ABLIM2: variants seen among roughly 807,000 people sequenced by gnomAD.
The protein encoded by ABLIM2 is actin binding LIM protein family member 2.
In ABLIM2, 53 loss-of-function variants were observed where a neutral mutation model predicts 97.7. The observed-to-expected ratio is 0.54, with a 90% CI of 0.44 to 0.68. The LOEUF (loss-of-function observed/expected upper bound fraction) is 0.68, where lower values mean the gene tolerates loss of function less well. Ranked by LOEUF, ABLIM2 falls within the 30% of genes least tolerant of loss-of-function variation. ABLIM2 has a pLI of 0.00. For synonymous variants in ABLIM2, 361 were observed against 345.8 expected (o/e 1.04, Z -0.49); for missense variants, 835 against 867.2 (o/e 0.96, Z 0.47).
At chr4:7,985,744 G>A (rs1003379002) in intron 17 of ABLIM2, among the ~76,000 whole-genome samples, 2 of 152,156 alleles carry the variant, frequency 1.3e-5, no homozygotes, top group African/African-American at 4.8e-5. Flanking sequence ...ATGGGCCCGA[G>A]AGCTCCTGCA....
chr4:8,141,868 TC>T (rs1450540109), intron 1 of ABLIM2, among the ~76,000 whole-genome samples: 1 of 152,234 alleles, frequency 6.6e-6, no homozygotes, highest in Non-Finnish European at 1.5e-5. Context: ...GGCCAAATGC[TC>T]CGCCTGCACT....
intron 20 of ABLIM2, among the ~76,000 whole-genome samples, chr4:7,973,115 G>A (rs1729598312): frequency 6.7e-6 from 1 of 149,860 alleles, no homozygotes; most frequent in African/African-American, 2.5e-5. Context: ...GTGTGTGTAG[G>A]GTGAGGGATG....
intron 17 of ABLIM2, among the ~76,000 whole-genome samples, chr4:7,989,629 A>G (rs936680281): frequency 6.6e-6 from 1 of 152,138 alleles, no homozygotes; most frequent in African/African-American, 2.4e-5. Flanking sequence ...TTGTGATTTT[A>G]GTATCTTTCT....
In ABLIM2 at chr4:8,054,408, G is replaced by A. The variant is rs1015309961; in HGVS notation, c.764-162C>T. Reference sequence around the variant, plus strand: ...TCCTCTCTGTGCTGGAGTTAGTGCCGGGCAGGGGGTACCCAGATCACAGTC... The same window carrying A: ...TCCTCTCTGTGCTGGAGTTAGTGCCAGGCAGGGGGTACCCAGATCACAGTC... On this transcript the variant is annotated intron_variant, in intron 7 of 20. Transcript: ENST00000447017. This position sits in a 1 kb window ranked among gnomAD's most constrained non-coding sequence, Gnocchi z 4.9. 5.3e-5 allele frequency among the ~76,000 whole-genome samples: 8 copies of A among 152,238 alleles called. No homozygotes were observed. Among genetic ancestry groups the A allele is most frequent in the Non-Finnish European group, 8.8e-5 (6 of 68,054 alleles).
At chr4:7,993,556 G>T (rs1230131658) in intron 16 of ABLIM2, among the ~76,000 whole-genome samples, 1 of 152,066 alleles carries the variant, frequency 6.6e-6, no homozygotes, top group Admixed American at 6.6e-5. Flanking sequence ...GCACGCCTGT[G>T]GTCCCAGCTA....
At chr4:8,059,053 C>T (rs545803826) in intron 7 of ABLIM2, among the ~76,000 whole-genome samples, 1 of 152,238 alleles carries the variant, frequency 6.6e-6, no homozygotes, top group Non-Finnish European at 1.5e-5. Context: ...ATGGTCCTGA[C>T]TCCTGTTGGG....
rs1579677602 is a variant in ABLIM2 at position 8,046,266 on chromosome 4, T to C, written c.823-1025A>G. ...GCCCCCTCCAGCCCTGCGGACACAC[T>C]CCTTCTGTGGTCCCCACACCTCTGG... On this transcript the variant is annotated intron_variant, in intron 8 of 20. Transcript: ENST00000447017. This position sits in a 1 kb window ranked among gnomAD's most constrained non-coding sequence, Gnocchi z 4.4. Among the ~76,000 whole-genome samples the C allele has an allele frequency of 6.6e-6, 1 of 151,344 alleles. No individual in the cohort carries two copies. Among genetic ancestry groups the C allele is most frequent in the East Asian group, 2.0e-4 (1 of 5,090 alleles).
intron 20 of ABLIM2, among the ~76,000 whole-genome samples, chr4:7,973,459 C>T (rs1729926620): frequency 1.3e-5 from 2 of 151,018 alleles, no homozygotes; most frequent in Non-Finnish European, 2.9e-5. Flanking sequence ...TGAGATTGTG[C>T]CACTGCACTC....
rs982217601 is a variant in ABLIM2, at chr4:8,004,863, T to A, written c.1618+3196A>T. On this transcript the variant is annotated intron_variant, in intron 16 of 20. Transcript: ENST00000447017. This position sits in a 1 kb window ranked among gnomAD's most constrained non-coding sequence, Gnocchi z 5.9. ...AAAGCAGTCAATAATAAAATATAGA[T>A]TTCACTATGACGCCCTCTTTGGAGG... 6.6e-6 allele frequency among the ~76,000 whole-genome samples: 1 copy of A among 152,200 alleles called. No homozygotes were observed. Among genetic ancestry groups the A allele is most frequent in the Non-Finnish European group, 1.5e-5 (1 of 68,032 alleles).
chr4:8,098,179 C>T (rs1000739214), intron 2 of ABLIM2, among the ~76,000 whole-genome samples: 2 of 152,168 alleles, frequency 1.3e-5, no homozygotes, highest in Non-Finnish European at 2.9e-5. Context: ...CCCAGGCCCT[C>T]CCTGCTAGAG....
At chr4:8,045,290 G>A in intron 8 of ABLIM2, 49 bp from the exon 9 acceptor site, 1 of 1,501,870 alleles carries the variant, frequency 6.7e-7, no homozygotes, top group Non-Finnish European at 9.3e-7. Flanking sequence ...AACATTCGGG[G>A]CCTTCAGAGG....
intron 14 of ABLIM2, among the ~76,000 whole-genome samples, chr4:8,016,824 G>A (rs1470738325): frequency 6.6e-6 from 1 of 152,170 alleles, no homozygotes; most frequent in Admixed American, 6.5e-5. Context: ...CTCCAGCCTC[G>A]AGCCTCTGCC....
chr4:7,978,996 T>TCG (rs1735897406), intron 20 of ABLIM2, among the ~76,000 whole-genome samples: 1 of 152,110 alleles, frequency 6.6e-6, no homozygotes, highest in East Asian at 1.9e-4. Context: ...CTCACTGGAT[T>TCG]CACAGCCTCA....
rs1423783933 is a variant in ABLIM2, at chr4:8,148,050, G to T, written c.10+10630C>A. On this transcript the variant is annotated intron_variant, in intron 1 of 20. Coordinates refer to ENST00000447017, the MANE Select transcript of ABLIM2 (RefSeq NM_001130083.2). The surrounding 1 kb of genome is among the most constrained non-coding windows in gnomAD (Gnocchi z 6.7). ...TCTGGTGTGGTTCCCTGAGGCCCAG[G>T]TGGGCAGGCAACAAGGGATAGTGGC... Among the ~76,000 whole-genome samples the T allele has an allele frequency of 6.6e-6, 1 of 152,250 alleles. No individual in the cohort carries two copies. The highest frequency in any genetic ancestry group is 1.5e-5 in the Non-Finnish European group (1 of 68,046).
At position 7,996,107 on chromosome 4, in the gene ABLIM2, A is replaced by C. The variant is rs1753135895; in HGVS notation, c.1619-3180T>G. Among the ~76,000 whole-genome samples the C allele has an allele frequency of 6.6e-6, 1 of 152,142 alleles. No homozygotes were observed. Among genetic ancestry groups the C allele is most frequent in the Non-Finnish European group, 1.5e-5 (1 of 68,010 alleles). The stretch of plus-strand genomic sequence containing the variant: ...CCAGCTGCAGCGGGAGCTCCTTATC[A>C]GCAAAGGTGCTAGAGGGGTGGTTCT... On this transcript the variant is annotated intron_variant, in intron 16 of 20. Coordinates refer to ENST00000447017, the MANE Select transcript of ABLIM2 (RefSeq NM_001130083.2). This position sits in a 1 kb window ranked among gnomAD's most constrained non-coding sequence, Gnocchi z 4.5.
At chr4:8,006,235 C>G (rs1004450888) in intron 16 of ABLIM2, among the ~76,000 whole-genome samples, 5 of 152,208 alleles carry the variant, frequency 3.3e-5, no homozygotes, top group Non-Finnish European at 7.3e-5. Flanking sequence ...ACGGGGGTCA[C>G]AGGGGGCAGC....
chr4:8,037,333 C>T (rs1014780381), intron 9 of ABLIM2, among the ~76,000 whole-genome samples: 146 of 115,700 alleles, frequency 1.3e-3, no homozygotes, highest in Non-Finnish European at 2.1e-3. Context: ...CATGCACACA[C>T]ATGCAGGCAC....
At chr4:8,118,525 C>T (rs1843786462) in intron 1 of ABLIM2, among the ~76,000 whole-genome samples, 1 of 152,192 alleles carries the variant, frequency 6.6e-6, no homozygotes, top group African/African-American at 2.4e-5. Flanking sequence ...GGGAGGGTGG[C>T]CTCCAGCACA....
chr4:8,088,720 C>T (rs1326604297), intron 3 of ABLIM2, among the ~76,000 whole-genome samples: 1 of 152,236 alleles, frequency 6.6e-6, no homozygotes, highest in Non-Finnish European at 1.5e-5. Context: ...TGCCCAGGGC[C>T]CACTACTGTG....
Sources: gnomAD v4.1 joint callset for allele counts (sites outside exome capture counted in the v4.1 genomes callset) on GRCh38, gnomAD v4.1.1 for gene constraint, Gnocchi (gnomAD v3.1) non-coding constraint, MANE v1.5 for transcripts, NCBI Gene and HGNC (gene_info 2026-07-23, HGNC 2026-07-21) for gene names.